Variants in GXYLT1 observed in about 807,000 individuals in gnomAD.
GXYLT1 encodes the protein glucoside xylosyltransferase 1, also known as glycosyltransferase 8 domain containing 3.
GXYLT1 carries 29 observed loss-of-function variants against 54.0 expected under a neutral mutation model. The observed-to-expected ratio is 0.54, with a 90% confidence interval of 0.40 to 0.73. The LOEUF (loss-of-function observed/expected upper bound fraction) is 0.73. Ranked by LOEUF, GXYLT1 falls within the 30% of genes least tolerant of loss-of-function variation. The probability of loss-of-function intolerance (pLI) is 0.00; values close to 1 mark genes in which losing one functional copy is unlikely to be tolerated. For synonymous variants in GXYLT1, 176 were observed against 204.1 expected, an observed-to-expected ratio of 0.86 and a Z score of 1.17; for missense variants, 490 against 553.4, an observed-to-expected ratio of 0.89 and a Z score of 1.15.
rs543327287 is a variant in GXYLT1, at chr12:42,129,625, T to C, written c.314+134A>G. ...AATAACAACTACAAAATGGGAAAAA[T>C]AGAAAACCCAATAAGAAAATAAATT... On this transcript the variant is annotated intron_variant, in intron 2 of 7. Coordinates refer to ENST00000398675, the MANE Select transcript of GXYLT1 (RefSeq NM_173601.2). 1.2e-4 allele frequency: 64 copies of C among 542,354 alleles called. No individual in the cohort carries two copies. In the South Asian group the frequency reaches 1.5e-3, roughly 12 times the overall value. 33.6% of individuals were successfully genotyped at this position (542,354 alleles called of 1,614,324 possible). A position where few individuals can be genotyped will look rare whatever the true frequency, so the allele number is the denominator to read the frequency against.
intron 5 of GXYLT1, 59 bp downstream of exon 5, chr12:42,105,759 A>G (rs1342398212): frequency 7.0e-7 from 1 of 1,423,512 alleles, no homozygotes; most frequent in African/African-American, 1.4e-5. Flanking sequence ...TAGTTTTATT[A>G]AAAACAATTT....
chr12:42,105,624 T>C (rs570289869), intron 5 of GXYLT1, among the ~76,000 whole-genome samples, 194 bp downstream of exon 5: 7 of 152,250 alleles, frequency 4.6e-5, no homozygotes, highest in Non-Finnish European at 1.0e-4. Context: ...TGACCTATTG[T>C]AATGCTCTGT....
intron 3 of GXYLT1, among the ~76,000 whole-genome samples, chr12:42,118,102 T>C (rs2065507881): frequency 6.6e-6 from 1 of 152,238 alleles, no homozygotes; most frequent in Admixed American, 6.5e-5. Flanking sequence ...TACCTACTTT[T>C]ATGGGAGAGA....
rs184065971 is a variant in GXYLT1, at chr12:42,120,066, T to C, written c.315-895A>G. Reference sequence around the variant, plus strand: ...GCCTTAGGAAATCAGAGCTTAACTCTCTCAAGGAACCCATTGAGAAAGATA... The same window carrying C: ...GCCTTAGGAAATCAGAGCTTAACTCCCTCAAGGAACCCATTGAGAAAGATA... On this transcript the variant is annotated intron_variant, in intron 2 of 7. Transcript: ENST00000398675. Among the ~76,000 whole-genome samples, 8 of 152,226 alleles carry C rather than the reference T, an allele frequency of 5.3e-5. No homozygotes were observed. In the East Asian group the frequency reaches 1.4e-3, roughly 26 times the overall value.
At position 42,136,102 on chromosome 12, in the gene GXYLT1, A is replaced by G. The variant is rs559849299; in HGVS notation, c.222-6251T>C. On this transcript the variant is annotated intron_variant, in intron 1 of 7. Coordinates refer to ENST00000398675, the MANE Select transcript of GXYLT1 (RefSeq NM_173601.2). ...TTGTTTATAGTTTTTTAACTCCCAA[A>G]TATCTATTCTCCCATTTTGAAAAAC... 3.9e-5 allele frequency among the ~76,000 whole-genome samples: 6 copies of G among 152,318 alleles called. No homozygotes were observed. In the South Asian group the frequency reaches 8.3e-4, roughly 21 times the overall value.
At chr12:42,111,185 G>A (rs78919231) in intron 3 of GXYLT1, among the ~76,000 whole-genome samples, 3,784 of 152,320 alleles carry the variant, frequency 0.025, 141 homozygotes, top group East Asian at 0.1. Context: ...AGCTTTGGTC[G>A]ACAGCTCCCA....
intron 1 of GXYLT1, among the ~76,000 whole-genome samples, chr12:42,132,481 T>A (rs2065598517): frequency 6.6e-6 from 1 of 152,230 alleles, no homozygotes; most frequent in Admixed American, 6.5e-5. Context: ...GTTTAGAAAA[T>A]TTTTTAAAGC....
At chr12:42,135,214 C>A (rs1235510921) in intron 1 of GXYLT1, among the ~76,000 whole-genome samples, 2 of 152,196 alleles carry the variant, frequency 1.3e-5, no homozygotes, top group Non-Finnish European at 2.9e-5. Flanking sequence ...CAAGACCAGG[C>A]ATATCCAATG....
chr12:42,089,739 A>C (rs2065318785), intron 7 of GXYLT1, among the ~76,000 whole-genome samples: 1 of 152,196 alleles, frequency 6.6e-6, no homozygotes, highest in African/African-American at 2.4e-5. Flanking sequence ...CAGTTCAAAA[A>C]TCCTGTTGAA....
At chr12:42,125,800 A>G (rs1257998061) in intron 2 of GXYLT1, among the ~76,000 whole-genome samples, 1 of 152,114 alleles carries the variant, frequency 6.6e-6, no homozygotes, top group Non-Finnish European at 1.5e-5. Context: ...GGATCACTTG[A>G]GCTCAGTTGT....
intron 3 of GXYLT1, among the ~76,000 whole-genome samples, chr12:42,110,440 G>C (rs573195297): frequency 1.8e-4 from 27 of 152,282 alleles, no homozygotes; most frequent in Admixed American, 4.6e-4. Context: ...AATCTCTTTT[G>C]AATTATGATA....
intron 2 of GXYLT1, among the ~76,000 whole-genome samples, chr12:42,127,465 C>T (rs1344911265): frequency 6.6e-6 from 1 of 152,076 alleles, no homozygotes; most frequent in African/African-American, 2.4e-5. Context: ...AGGCACAAGG[C>T]TTACAACATT....
intron 5 of GXYLT1, among the ~76,000 whole-genome samples, chr12:42,099,370 T>G (rs2065376625): frequency 6.6e-6 from 1 of 152,224 alleles, no homozygotes; most frequent in Admixed American, 6.5e-5. Context: ...AGTTTTCAAC[T>G]CAGCCAAATT....
chr12:42,125,394 G>A (rs147023277), intron 2 of GXYLT1, among the ~76,000 whole-genome samples: 2 of 152,150 alleles, frequency 1.3e-5, no homozygotes, highest in South Asian at 4.1e-4. Context: ...TCTCAGAAAA[G>A]AACTCTGAAT....
intron 5 of GXYLT1, among the ~76,000 whole-genome samples, chr12:42,099,508 TA>T (rs2065377354): frequency 6.6e-6 from 1 of 152,216 alleles, no homozygotes; most frequent in Admixed American, 6.5e-5. Context: ...ATTTGTCTAA[TA>T]TGGGGGCTTG....
intron 7 of GXYLT1, among the ~76,000 whole-genome samples, chr12:42,092,732 A>G (rs538564518): frequency 6.6e-5 from 10 of 152,356 alleles, no homozygotes; most frequent in Admixed American, 3.9e-4. Context: ...CTTAAGTTAT[A>G]TTCAAAACCT....
intron 3 of GXYLT1, among the ~76,000 whole-genome samples, chr12:42,112,670 G>A (rs1040897809): frequency 1.3e-5 from 2 of 152,208 alleles, no homozygotes; most frequent in Admixed American, 1.3e-4. Flanking sequence ...TCTGATTGGT[G>A]TACCTGAAAG....
intron 3 of GXYLT1, among the ~76,000 whole-genome samples, chr12:42,112,837 T>C (rs141061909): frequency 1.3e-5 from 2 of 151,026 alleles, no homozygotes; most frequent in African/African-American, 2.5e-5. Context: ...GACACAGAAT[T>C]GTCAGATTCA....
At position 42,097,958 on chromosome 12, in the gene GXYLT1, T is replaced by G; in HGVS notation, c.940A>C (p.Thr314Pro). Residue 314 changes from threonine to proline, a missense_variant, in exon 6 of 8, where the codon ACA becomes CCA. Thr to Pro is a conservative substitution (Grantham distance 38). This residue lies in a region of GXYLT1 where 342 missense variants were observed against 342.6 expected (regional missense o/e 1.00). Transcript: ENST00000398675. ...TTCAATAGATCTTGATCACCCCATG[T>G]GATGTTTAGTTTGTATTTTTTAAGC... ...PLLKKYKLNI[T>P]WGDQDLLNIV... 1 of 1,603,592 alleles carries G rather than the reference T, an allele frequency of 6.2e-7. No homozygotes were observed. Among genetic ancestry groups the G allele is most frequent in the Non-Finnish European group, 8.5e-7 (1 of 1,170,998 alleles).
Sources: gnomAD v4.1 joint callset for allele counts (sites outside exome capture counted in the v4.1 genomes callset) on GRCh38, gnomAD v4.1.1 for gene constraint, gnomAD v4.1.1 regional missense constraint, MANE v1.5 for transcripts, NCBI Gene and HGNC (gene_info 2026-07-23, HGNC 2026-07-21) for gene names.